The following AFF1 variants were observed in gnomAD, a reference collection of about 807,000 sequenced individuals.
The protein encoded by AFF1 is ALF transcription elongation factor 1, also known as AF4/FMR2 family member 1.
In AFF1, 48 loss-of-function variants were observed where a neutral mutation model predicts 121.7. That is an observed-to-expected ratio of 0.39 (90% CI 0.31 to 0.50). The LOEUF (loss-of-function observed/expected upper bound fraction) is 0.50, where lower values mean the gene tolerates loss of function less well. Among genes scored for constraint, AFF1 ranks in the 20% least tolerant of loss-of-function variants. The pLI, the probability that AFF1 is intolerant of heterozygous loss-of-function variation, is 0.76. For missense variants in AFF1, 1,523 were observed against 1,511.7 expected, an observed-to-expected ratio of 1.01 and a Z score of -0.12; for synonymous variants, 613 against 563.0, an observed-to-expected ratio of 1.09 and a Z score of -1.26.
At chr4:87,094,176 T>C (rs543402362) in intron 7 of AFF1, among the ~76,000 whole-genome samples, 1 of 152,304 alleles carries the variant, frequency 6.6e-6, no homozygotes, top group African/African-American at 2.4e-5. Flanking sequence ...CTTGCCAGCA[T>C]CACTCTGCCA....
At chr4:86,967,042 G>T (rs556803061) in intron 2 of AFF1, among the ~76,000 whole-genome samples, 1 of 152,270 alleles carries the variant, frequency 6.6e-6, no homozygotes, top group South Asian at 2.1e-4. Flanking sequence ...TTCAAGTACT[G>T]TGCCTTGGCA....
intron 2 of AFF1, among the ~76,000 whole-genome samples, chr4:87,042,569 C>T (rs1008341385): frequency 1.3e-5 from 2 of 152,150 alleles, no homozygotes; most frequent in African/African-American, 2.4e-5. Flanking sequence ...TGTCTTTTTT[C>T]ACCTCACTAC....
intron 1 of AFF1, among the ~76,000 whole-genome samples, chr4:86,942,054 A>G (rs904438721): frequency 1.3e-5 from 2 of 152,174 alleles, no homozygotes; most frequent in African/African-American, 2.4e-5. Flanking sequence ...GGAGCAGAGC[A>G]TAGTAAGTGC....
intron 2 of AFF1, chr4:87,007,572 A>G (rs1578046402): frequency 1.4e-5 from 16 of 1,107,488 alleles, no homozygotes; most frequent in Non-Finnish European, 2.6e-6. Flanking sequence ...TGGCTTGACT[A>G]AATGTCAGAT....
rs1453344764 is a variant in AFF1, at chr4:87,111,164, C to T, written c.1533+2849C>T. 4.9e-5 allele frequency among the ~76,000 whole-genome samples: 4 copies of T among 81,964 alleles called. 1 individual carries two copies. Among genetic ancestry groups the T allele is most frequent in the Admixed American group, 4.6e-4 (3 of 6,572 alleles). 53.8% of individuals were successfully genotyped at this position (81,964 alleles called of 152,430 possible). ...CTGGGACTACAGGCGCCCGCTACCA[C>T]GCCCGGCTAATTTTTTGTATTTTTT... On this transcript the variant is annotated intron_variant, in intron 11 of 20. Coordinates refer to ENST00000395146, the MANE Select transcript of AFF1 (RefSeq NM_001166693.3).
chr4:87,087,135 C>T (rs1159706009), intron 5 of AFF1, among the ~76,000 whole-genome samples: 9 of 152,194 alleles, frequency 5.9e-5, no homozygotes. Flanking sequence ...GTGGTACCAG[C>T]AAGCATTACC....
intron 2 of AFF1, among the ~76,000 whole-genome samples, chr4:86,988,681 G>GA (rs1388477974): frequency 3.3e-5 from 5 of 152,100 alleles, no homozygotes; most frequent in Non-Finnish European, 7.4e-5. Flanking sequence ...CACAGAATTA[G>GA]AAAAAACTAC....
chr4:87,126,052 G>T (rs754377057), intron 13 of AFF1, 47 bp from the exon 14 acceptor site: 16 of 1,567,656 alleles, frequency 1.0e-5, no homozygotes, highest in Non-Finnish European at 1.4e-5. Flanking sequence ...GAAGCCGCTT[G>T]ATGTGTACTT....
chr4:87,062,404 A>G (rs1424636020), intron 4 of AFF1, among the ~76,000 whole-genome samples: 1 of 152,060 alleles, frequency 6.6e-6, no homozygotes, highest in Non-Finnish European at 1.5e-5. Context: ...CTCATGACCT[A>G]AGCACCTCCC....
At chr4:87,061,638 G>A (rs384059) in intron 4 of AFF1, among the ~76,000 whole-genome samples, 118,152 of 151,940 alleles carry the variant, frequency 0.78, 45,999 homozygotes, top group East Asian at 0.82. Context: ...AATCCTGTTA[G>A]GCAGGGTGCA....
intron 10 of AFF1, among the ~76,000 whole-genome samples, chr4:87,107,509 A>G (rs1726032704): frequency 6.6e-6 from 1 of 152,192 alleles, no homozygotes; most frequent in Admixed American, 6.5e-5. Flanking sequence ...TCTTCCAGGA[A>G]GTGTGAGTGG....
chr4:87,026,666 G>T (rs1448883426), intron 2 of AFF1, among the ~76,000 whole-genome samples: 26 of 152,202 alleles, frequency 1.7e-4, no homozygotes, highest in African/African-American at 6.0e-4. Flanking sequence ...GAATGACATG[G>T]TTCCTCAGCA....
chr4:87,084,093 C>T, intron 4 of AFF1, 27 bp from the exon 5 acceptor site: 1 of 1,612,878 alleles, frequency 6.2e-7, no homozygotes, highest in Non-Finnish European at 8.5e-7. Flanking sequence ...GTTTGCTAAC[C>T]TTTTATTTTT....
At chr4:87,126,042 G>A (rs201798342) in intron 13 of AFF1, 57 bp from the exon 14 acceptor site, 111 of 1,538,286 alleles carry the variant, frequency 7.2e-5, no homozygotes, top group Non-Finnish European at 6.3e-5. Context: ...ACTAAACAAC[G>A]AAGCCGCTTG....
At chr4:87,127,325 T>A (rs1016424426) in intron 15 of AFF1, among the ~76,000 whole-genome samples, 4 of 152,086 alleles carry the variant, frequency 2.6e-5, no homozygotes, top group African/African-American at 7.2e-5. Context: ...CATGCCTGGC[T>A]AACTTTTTTT....
intron 4 of AFF1, among the ~76,000 whole-genome samples, chr4:87,055,579 C>A (rs900215855): frequency 1.3e-5 from 2 of 152,192 alleles, no homozygotes; most frequent in African/African-American, 2.4e-5. Context: ...TCTTCCCAGA[C>A]TGCATGTGCT....
At chr4:86,965,645 A>T (rs940006655) in intron 2 of AFF1, among the ~76,000 whole-genome samples, 1 of 152,180 alleles carries the variant, frequency 6.6e-6, no homozygotes, top group Non-Finnish European at 1.5e-5. Context: ...TATTAGGCTA[A>T]TGGGCATTTT....
chr4:86,963,968 T>G (rs1722341629), intron 2 of AFF1, among the ~76,000 whole-genome samples: 1 of 149,298 alleles, frequency 6.7e-6, no homozygotes, highest in African/African-American at 2.5e-5. Context: ...GACTGGTTTT[T>G]TTTTTTTTTT....
At chr4:86,958,929 C>T (rs756731556) in intron 2 of AFF1, among the ~76,000 whole-genome samples, 7 of 152,104 alleles carry the variant, frequency 4.6e-5, no homozygotes, top group Non-Finnish European at 7.3e-5. Flanking sequence ...CCTATTAATG[C>T]GTTTAACTTG....
Sources: allele counts gnomAD v4.1 joint callset (sites outside exome capture counted in the v4.1 genomes callset), GRCh38; gene constraint gnomAD v4.1.1; transcripts MANE v1.5; gene names NCBI Gene and HGNC (gene_info 2026-07-23, HGNC 2026-07-21).